Variants in TMEM132B observed in about 807,000 individuals in gnomAD.
TMEM132B encodes the protein transmembrane protein 132B.
A neutral mutation model predicts 90.8 loss-of-function variants in TMEM132B; 18 were observed. The ratio of observed to expected loss-of-function variants is 0.20; its 90% CI spans 0.14 to 0.29. The LOEUF (loss-of-function observed/expected upper bound fraction) is 0.29, where lower values mean the gene tolerates loss of function less well. TMEM132B is among the 10% of genes least tolerant of loss of function. The pLI is 1.00. For missense variants in TMEM132B, 1,096 were observed against 1,326.8 expected (o/e 0.83, Z 2.70); for synonymous variants, 504 against 523.3 (o/e 0.96, Z 0.50).
chr12:125,441,060 A>AC (rs1368800375), intron 3 of TMEM132B, among the ~76,000 whole-genome samples: 1 of 152,208 alleles, frequency 6.6e-6, no homozygotes, highest in African/African-American at 2.4e-5. Flanking sequence ...GTGACCTTGA[A>AC]CAAGTTATTT....
chr12:125,190,477 GTGGGAAGGGGTGGTGATGGTGA>G (rs1453758023), intron 1 of TMEM132B, among the ~76,000 whole-genome samples: 9 of 124,926 alleles, frequency 7.2e-5, no homozygotes, highest in Non-Finnish European at 6.7e-5. Context: ...AGGGGTGGTG[GTGGGAAGGGGTGGTGATGGTGA>G]TGGGAAGGGG....
chr12:125,203,173 T>C (rs1000145443), intron 1 of TMEM132B, among the ~76,000 whole-genome samples: 1 of 152,252 alleles, frequency 6.6e-6, no homozygotes, highest in Non-Finnish European at 1.5e-5. Context: ...CCTAGAATGC[T>C]GTGAGACACA....
chr12:125,328,732 C>A (rs1215247170), intron 1 of TMEM132B, among the ~76,000 whole-genome samples: 6 of 152,184 alleles, frequency 3.9e-5, no homozygotes, highest in African/African-American at 1.2e-4. Flanking sequence ...AAGTAAGGTT[C>A]CAGGTGGATG....
In TMEM132B at chr12:125,349,486, G is replaced by C; in HGVS notation, c.102G>C (p.Gln34His). 1 of 1,613,626 alleles carries C rather than the reference G, an allele frequency of 6.2e-7. No homozygotes were observed. The highest frequency in any genetic ancestry group is 2.2e-5 in the East Asian group (1 of 44,882). Residue 34 changes from glutamine (Q) to histidine (H), a missense_variant, in exon 2 of 9, where the codon CAG (glutamine) becomes CAC (histidine). Gln to His is a conservative substitution (Grantham distance 24). Coordinates refer to ENST00000682704, the MANE Select transcript of TMEM132B (RefSeq NM_001366854.1). This position sits in a 1 kb window ranked among gnomAD's most constrained non-coding sequence, Gnocchi z 4.1. ...GTCGAGGGATTGTGGATAGCCTGCA[G>C]AAGTTTTCCTCGCTCCCTGCTTACC... ...TESRGIVDSL[Q>H]KFSSLPAYLP...
intron 3 of TMEM132B, among the ~76,000 whole-genome samples, chr12:125,484,610 A>C (rs150697050): frequency 6.6e-6 from 1 of 152,062 alleles, no homozygotes; most frequent in African/African-American, 2.4e-5. Context: ...CCTGGTCTCT[A>C]TGTTGTTTCT....
At position 125,246,776 on chromosome 12, in the gene TMEM132B, G is replaced by A. The variant is rs1362934626; in HGVS notation, c.67+59910G>A. Reference sequence around the variant, plus strand: ...TCACCCTTTGTTCCTGTGGACAGAAGTGATGGATTTTGCAGTCTGGAGGCA... The same window carrying A: ...TCACCCTTTGTTCCTGTGGACAGAAATGATGGATTTTGCAGTCTGGAGGCA... On this transcript the variant is annotated intron_variant, in intron 1 of 8. Transcript: ENST00000682704. This position sits in a 1 kb window ranked among gnomAD's most constrained non-coding sequence, Gnocchi z 4.2. Among the ~76,000 whole-genome samples, 1 of 152,202 alleles carries A rather than the reference G, an allele frequency of 6.6e-6. No individual in the cohort carries two copies. The highest frequency in any genetic ancestry group is 1.5e-5 in the Non-Finnish European group (1 of 68,040).
chr12:125,539,567 G>A lies in TMEM132B; in HGVS notation c.1293+19942G>A, dbSNP rs764525401. ...CTCTCTTCCTGGGAATGTAAGCTCCGTGAGGGCAGGCCCTTGTTCATCTTC... is the reference window on the plus strand; with the variant it reads ...CTCTCTTCCTGGGAATGTAAGCTCCATGAGGGCAGGCCCTTGTTCATCTTC... On this transcript the variant is annotated intron_variant, in intron 4 of 8. Coordinates refer to ENST00000682704, the MANE Select transcript of TMEM132B (RefSeq NM_001366854.1). Among the ~76,000 whole-genome samples the A allele has an allele frequency of 2.6e-5, 4 of 152,188 alleles. No individual in the cohort carries two copies. The South Asian group carries it at 6.2e-4, about 24-fold the overall frequency.
At chr12:125,194,574 T>C (rs1222345124) in intron 1 of TMEM132B, among the ~76,000 whole-genome samples, 2 of 152,150 alleles carry the variant, frequency 1.3e-5, no homozygotes, top group Non-Finnish European at 2.9e-5. Flanking sequence ...TGCTGGGTCC[T>C]CTCCGTGTTG....
chr12:125,463,432 C>T (rs1450616673), intron 3 of TMEM132B, among the ~76,000 whole-genome samples: 3 of 152,136 alleles, frequency 2.0e-5, no homozygotes, highest in Non-Finnish European at 4.4e-5. Flanking sequence ...ATAGCTTTCC[C>T]CCTCTTTGTG....
At chr12:125,441,050 G>A (rs775766544) in intron 3 of TMEM132B, among the ~76,000 whole-genome samples, 5 of 152,192 alleles carry the variant, frequency 3.3e-5, no homozygotes, top group Non-Finnish European at 4.4e-5. Flanking sequence ...TATTAGCCAT[G>A]TGACCTTGAA....
At position 125,349,213 on chromosome 12, in the gene TMEM132B, C is replaced by T. The variant is rs954932955; in HGVS notation, c.68-239C>T. Among the ~76,000 whole-genome samples, 2 of 152,094 alleles carry T rather than the reference C, an allele frequency of 1.3e-5. No individual in the cohort carries two copies. The highest frequency in any genetic ancestry group is 4.8e-5 in the African/African-American group (2 of 41,400). On this transcript the variant is annotated intron_variant, in intron 1 of 8. Transcript: ENST00000682704. This position sits in a 1 kb window ranked among gnomAD's most constrained non-coding sequence, Gnocchi z 4.1. ...TTTTCCCTTTAGAAAGATAACTGTT[C>T]ACCCCCAAGACTATTGGATCAGTGG... is the stretch of plus-strand genomic sequence containing the variant.
chr12:125,519,996 A>G (rs930643978), intron 4 of TMEM132B, among the ~76,000 whole-genome samples: 2 of 152,168 alleles, frequency 1.3e-5, no homozygotes, highest in African/African-American at 4.8e-5. Flanking sequence ...CCCCTTGTCA[A>G]TTGGCTTTGC....
At chr12:125,202,488 A>G (rs144226465) in intron 1 of TMEM132B, among the ~76,000 whole-genome samples, 4 of 152,328 alleles carry the variant, frequency 2.6e-5, no homozygotes, top group African/African-American at 9.6e-5. Flanking sequence ...CTGTGCTCAC[A>G]TGGTGGTTGG....
At chr12:125,529,535 G>C (rs1026144611) in intron 4 of TMEM132B, among the ~76,000 whole-genome samples, 1 of 152,152 alleles carries the variant, frequency 6.6e-6, no homozygotes, top group Non-Finnish European at 1.5e-5. Flanking sequence ...TCCCACCTCT[G>C]TGTGTCCTGT....
intron 2 of TMEM132B, among the ~76,000 whole-genome samples, chr12:125,388,733 T>A (rs1173548903): frequency 6.6e-6 from 1 of 152,234 alleles, no homozygotes; most frequent in African/African-American, 2.4e-5. Flanking sequence ...TTTGACTGCA[T>A]AGATACACAA....
intron 1 of TMEM132B, among the ~76,000 whole-genome samples, chr12:125,195,477 CA>C (rs1872904534): frequency 7.0e-6 from 1 of 142,050 alleles, no homozygotes; most frequent in Admixed American, 7.7e-5. Context: ...TGGCTCACTG[CA>C]ACCTCTGCCT....
At chr12:125,509,822 A>G (rs1460512030) in intron 3 of TMEM132B, among the ~76,000 whole-genome samples, 1 of 151,096 alleles carries the variant, frequency 6.6e-6, no homozygotes, top group African/African-American at 2.4e-5. Context: ...AACAAGGTTC[A>G]GTCCTGCATC....
rs544965087 is a variant in TMEM132B at position 125,228,914 on chromosome 12, C to G, written c.67+42048C>G. On this transcript the variant is annotated intron_variant, in intron 1 of 8. Coordinates refer to ENST00000682704, the MANE Select transcript of TMEM132B (RefSeq NM_001366854.1). The stretch of plus-strand genomic sequence containing the variant: ...TACTGGGGCTTCTTTGACTAATTCT[C>G]TCCCTAAGAGAGGAGTGTAGGAGGA... Among the ~76,000 whole-genome samples the G allele has an allele frequency of 1.0e-3, 155 of 152,332 alleles. 1 individual carries two copies. Among genetic ancestry groups the G allele is most frequent in the Non-Finnish European group, 1.9e-3 (128 of 68,028 alleles).
At chr12:125,337,745 C>G (rs10846875) in intron 1 of TMEM132B, among the ~76,000 whole-genome samples, 49,465 of 152,086 alleles carry the variant, frequency 0.33, 8,143 homozygotes, top group South Asian at 0.42. Flanking sequence ...CTATTTTCCC[C>G]TGTTTGGCTA....
Sources: gnomAD v4.1 joint callset for allele counts (sites outside exome capture counted in the v4.1 genomes callset) on GRCh38, gnomAD v4.1.1 for gene constraint, Gnocchi (gnomAD v3.1) non-coding constraint, MANE v1.5 for transcripts, NCBI Gene and HGNC (gene_info 2026-07-23, HGNC 2026-07-21) for gene names.